Variants in TIE1 observed in about 807,000 individuals in gnomAD.
TIE1 encodes tyrosine kinase with immunoglobulin like and EGF like domains 1, also known as tyrosine-protein kinase receptor Tie-1.
A neutral mutation model predicts 130.5 loss-of-function variants in TIE1; 89 were observed. That is an observed-to-expected ratio of 0.68 (90% CI 0.57 to 0.81). The LOEUF is 0.81. Among genes scored for constraint, TIE1 ranks in the 40% least tolerant of loss-of-function variants. The pLI is 0.00. For missense variants in TIE1, 1,392 were observed against 1,559.8 expected (o/e 0.89, Z 1.81); for synonymous variants, 568 against 629.4 (o/e 0.90, Z 1.46).
Position 43,307,072 on chromosome 1 carries a change from GA to G in TIE1, c.641-69del. On this transcript the variant is annotated intron_variant, in intron 4 of 22. Coordinates refer to ENST00000372476, the MANE Select transcript of TIE1 (RefSeq NM_005424.5). This position sits in a 1 kb window ranked among gnomAD's most constrained non-coding sequence, Gnocchi z 5.4. ...ATGGGTACTTCCTGTGGGTCCCCTGGAGCCCCTGGATCTCCAGTCCTCAGTG... is the reference window on the plus strand; with the variant it reads ...ATGGGTACTTCCTGTGGGTCCCCTGGGCCCCTGGATCTCCAGTCCTCAGTG... 23 of 1,612,908 alleles carry G rather than the reference GA, an allele frequency of 1.4e-5. No homozygotes were observed. Among genetic ancestry groups the G allele is most frequent in the Non-Finnish European group, 2.0e-5 (23 of 1,179,450 alleles).
At position 43,317,778 on chromosome 1, in the gene TIE1, C is replaced by T. The variant is rs550735436; in HGVS notation, c.2731+104C>T. On this transcript the variant is annotated intron_variant, in intron 16 of 22. Transcript: ENST00000372476. The surrounding 1 kb of genome is among the most constrained non-coding windows in gnomAD (Gnocchi z 5.1). ...CCAGGGGCTGCTGGTGACCTGTGCA[C>T]CACCCTTGATCCTCCTTCATCCCTG... 2 of 1,490,522 alleles carry T rather than the reference C, an allele frequency of 1.3e-6. No homozygotes were observed. The highest frequency in any genetic ancestry group is 1.4e-5 in the African/African-American group (1 of 72,604). 92.3% of individuals were successfully genotyped at this position (1,490,522 alleles called of 1,614,324 possible).
At chr1:43,314,904 T>G (rs540932269) in intron 14 of TIE1, among the ~76,000 whole-genome samples, 1 of 152,192 alleles carries the variant, frequency 6.6e-6, no homozygotes, top group Non-Finnish European at 1.5e-5. Context: ...GGAGGCATAT[T>G]CTGTGGCCCT....
chr1:43,314,317 G>A, intron 14 of TIE1: 1 of 1,104,190 alleles, frequency 9.1e-7, no homozygotes, highest in Non-Finnish European at 1.1e-6. Context: ...CGGTTATCTA[G>A]GCCTAGATAG....
Position 43,311,672 on chromosome 1 carries a change from G to GC in TIE1, c.1341dup (p.Val448ArgfsTer55), listed in dbSNP as rs758071080. On this transcript the variant is annotated frameshift_variant and splice_region_variant, in exon 10 of 23. Coordinates refer to ENST00000372476, the MANE Select transcript of TIE1 (RefSeq NM_005424.5). LOFTEE classifies it high-confidence loss of function. ...GCCTTACCCTGAGTCTCCTGGCAGT[G>GC]CCCCCCGTGCCCCTGGCTGCACCTC... 1.2e-6 allele frequency: 2 copies of GC among 1,611,370 alleles called. No individual in the cohort carries two copies.
rs755314869 is a variant in TIE1 at position 43,312,635 on chromosome 1, G to T, written c.1927+34G>T. ...AAGGCGCAAGGATAGCTGGGGGTTGGGGGAGGACGTGGGACACAGGGACAC... is the reference window on the plus strand; with the variant it reads ...AAGGCGCAAGGATAGCTGGGGGTTGTGGGAGGACGTGGGACACAGGGACAC... On this transcript the variant is annotated intron_variant, in intron 12 of 22. Coordinates refer to ENST00000372476, the MANE Select transcript of TIE1 (RefSeq NM_005424.5). The surrounding 1 kb of genome is among the most constrained non-coding windows in gnomAD (Gnocchi z 5.6). The T allele has an allele frequency of 3.2e-6, 5 of 1,561,814 alleles. No individual in the cohort carries two copies. Among genetic ancestry groups the T allele is most frequent in the Non-Finnish European group, 3.5e-6 (4 of 1,152,328 alleles).
rs1473798024 is a variant in TIE1, at chr1:43,318,983, G to A, written c.2923-252G>A. Among the ~76,000 whole-genome samples the A allele has an allele frequency of 6.6e-6, 1 of 152,090 alleles. No individual in the cohort carries two copies. Among genetic ancestry groups the A allele is most frequent in the Non-Finnish European group, 1.5e-5 (1 of 68,006 alleles). ...GGGGAGAAGCATGGAAAGAGGAGAA[G>A]GTGCAGTATGGCCACCACTGTCTCA... On this transcript the variant is annotated intron_variant, in intron 17 of 22. Transcript: ENST00000372476. The surrounding 1 kb of genome is among the most constrained non-coding windows in gnomAD (Gnocchi z 4.4).
In TIE1 at chr1:43,318,145, C is replaced by G; in HGVS notation, c.2922+73C>G. 1 of 1,486,178 alleles carries G rather than the reference C, an allele frequency of 6.7e-7. No individual in the cohort carries two copies. Among genetic ancestry groups the G allele is most frequent in the East Asian group, 2.4e-5 (1 of 42,488 alleles). 92.1% of individuals were successfully genotyped at this position (1,486,178 alleles called of 1,614,324 possible). Reference sequence around the variant, plus strand: ...GCTGGTGTCAGTGGAAGAAGTCAGCCGGCCCTGATTGTATCTGGGGATTGA... The same window carrying G: ...GCTGGTGTCAGTGGAAGAAGTCAGCGGGCCCTGATTGTATCTGGGGATTGA... On this transcript the variant is annotated intron_variant, in intron 17 of 22. Transcript: ENST00000372476. This position sits in a 1 kb window ranked among gnomAD's most constrained non-coding sequence, Gnocchi z 4.4.
chr1:43,321,947 G>A (rs1646924963), intron 22 of TIE1, among the ~76,000 whole-genome samples: 1 of 152,124 alleles, frequency 6.6e-6, no homozygotes, highest in African/African-American at 2.4e-5. Context: ...AGCCCCAACA[G>A]CAAATCCCTA....
rs760950532 is a variant in TIE1, at chr1:43,319,475, G to A, written c.3053G>A (p.Arg1018His). Residue 1018 changes from arginine to histidine, a missense_variant, in exon 19 of 23, where the codon CGC (arginine) becomes CAC (histidine). By Grantham distance (29) the Arg-to-His change is conservative (BLOSUM62 0). This residue lies in a region of TIE1 where 286 missense variants were observed against 354.4 expected (regional missense o/e 0.81). Transcript: ENST00000372476. This position sits in a 1 kb window ranked among gnomAD's most constrained non-coding sequence, Gnocchi z 4.7. ...CTCTCCTAGGGGCGTCTCCCTGTGC[G>A]CTGGATGGCCATTGAGTCCCTGAAC... ...VKKTMGRLPV[R>H]WMAIESLNYS... 15 of 1,614,096 alleles carry A rather than the reference G, an allele frequency of 9.3e-6. No homozygotes were observed. Among genetic ancestry groups the A allele is most frequent in the African/African-American group, 1.3e-5 (1 of 75,014 alleles).
chr1:43,302,229 C>G (rs4660729), intron 1 of TIE1, among the ~76,000 whole-genome samples: 105,375 of 152,182 alleles, frequency 0.69, 37,129 homozygotes, highest in East Asian at 0.85. Context: ...AACACCTAGT[C>G]TGTACAATGA....
At chr1:43,321,051 A>G (rs1437816042) in intron 19 of TIE1, among the ~76,000 whole-genome samples, 1 of 104,032 alleles carries the variant, frequency 9.6e-6, no homozygotes, top group East Asian at 3.0e-4. Context: ...AAAAAAAAAA[A>G]AAACAAAACA....
At chr1:43,314,302 C>T in intron 14 of TIE1, 3 of 1,040,422 alleles carry the variant, frequency 2.9e-6, no homozygotes, top group Non-Finnish European at 3.7e-6. Context: ...TTTATTTCTC[C>T]CTAGCGGTTA....
In TIE1 at chr1:43,317,539, A is replaced by G. The variant is rs1390168697; in HGVS notation, c.2621-25A>G. 1 of 1,611,402 alleles carries G rather than the reference A, an allele frequency of 6.2e-7. No individual in the cohort carries two copies. The highest frequency in any genetic ancestry group is 1.1e-5 in the South Asian group (1 of 90,878). ...CCTTTCTCCAGAGTTATTTCTGGCAAAATAATATTGGATTCTTTACACAGA... is the reference window on the plus strand; with the variant it reads ...CCTTTCTCCAGAGTTATTTCTGGCAGAATAATATTGGATTCTTTACACAGA... On this transcript the variant is annotated intron_variant, in intron 15 of 22. Coordinates refer to ENST00000372476, the MANE Select transcript of TIE1 (RefSeq NM_005424.5). This position sits in a 1 kb window ranked among gnomAD's most constrained non-coding sequence, Gnocchi z 5.1.
At chr1:43,308,409 G>A (rs1388122861) in intron 7 of TIE1, among the ~76,000 whole-genome samples, 1 of 149,006 alleles carries the variant, frequency 6.7e-6, no homozygotes, top group Non-Finnish European at 1.5e-5. Flanking sequence ...GGGGACCCAG[G>A]GATTGGGGAC....
Position 43,307,344 on chromosome 1 carries a change from G to A in TIE1, c.772+71G>A. On this transcript the variant is annotated intron_variant, in intron 5 of 22. Coordinates refer to ENST00000372476, the MANE Select transcript of TIE1 (RefSeq NM_005424.5). The surrounding 1 kb of genome is among the most constrained non-coding windows in gnomAD (Gnocchi z 5.4). ...CTGGGAGAAGACCCTAGAACCATGT[G>A]GGTGGAGCTTGGAGGGTAAGGGCGA... is the stretch of plus-strand genomic sequence containing the variant. 1 of 1,611,822 alleles carries A rather than the reference G, an allele frequency of 6.2e-7. No homozygotes were observed. The highest frequency in any genetic ancestry group is 8.5e-7 in the Non-Finnish European group (1 of 1,178,486).
Position 43,309,096 on chromosome 1 carries a change from A to G in TIE1, c.1153A>G (p.Ile385Val), listed in dbSNP as rs1331355960. The G allele has an allele frequency of 1.2e-6, 2 of 1,612,438 alleles. No homozygotes were observed. The highest frequency in any genetic ancestry group is 2.2e-5 in the South Asian group (2 of 90,892). ...AGNPFPVRGS[I>V]ELRKPDGTVL... ...GAACCCCTTCCCCGTGCGGGGCAGC[A>G]TAGAGCTACGCAAGCCAGACGGCAC... is the stretch of plus-strand genomic sequence containing the variant. The change falls in exon 8 of 23, where the codon ATA becomes GTA. Residue 385 changes from isoleucine to valine, a missense_variant. Coordinates refer to ENST00000372476, the MANE Select transcript of TIE1 (RefSeq NM_005424.5). The surrounding 1 kb of genome is among the most constrained non-coding windows in gnomAD (Gnocchi z 6.3).
chr1:43,322,929 A>T lies in TIE1; in HGVS notation c.*207A>T. The T allele has an allele frequency of 1.8e-6, 1 of 556,860 alleles. No homozygotes were observed. 34.5% of individuals were successfully genotyped at this position (556,860 alleles called of 1,614,324 possible). A position where few individuals can be genotyped will look rare whatever the true frequency, so the allele number is the denominator to read the frequency against. Reference sequence around the variant, plus strand: ...TAGGTGTCTCATAGCTATCCTGGGCATCCTTCTTTCTAGTTCAGCTGCCCC... The same window carrying T: ...TAGGTGTCTCATAGCTATCCTGGGCTTCCTTCTTTCTAGTTCAGCTGCCCC... On this transcript the variant is annotated 3_prime_UTR_variant, in exon 23 of 23. Transcript: ENST00000372476. This position sits in a 1 kb window ranked among gnomAD's most constrained non-coding sequence, Gnocchi z 4.0.
rs770091083 is a variant in TIE1, at chr1:43,305,046, C to A, written c.254C>A (p.Ser85Ter). The change falls in exon 2 of 23, where the codon TCG (serine) becomes TAG (stop). Residue 85 changes from serine (S) to a stop codon, truncating the protein, a stop_gained. Transcript: ENST00000372476. LOFTEE classifies it high-confidence loss of function. ...GPPLRLARNG[S>*]HQVTLRGFSK... ...CCCCTGCGCCTGGCGCGCAACGGTT[C>A]GCACCAGGTCACGCTTCGCGGCTTC... 1.1e-5 allele frequency: 18 copies of A among 1,601,608 alleles called. No individual in the cohort carries two copies. Among genetic ancestry groups the A allele is most frequent in the Non-Finnish European group, 1.4e-5 (16 of 1,172,698 alleles).
Position 43,309,444 on chromosome 1 carries a change from C to T in TIE1, c.1245C>T (p.Arg415=), listed in dbSNP as rs1444587398. ...CCACAGCTGAGTTCGAGGTGCCCCG[C>T]TTGGTTCTTGCGGACAGTGGGTTCT... ...EKTTAEFEVP[R]LVLADSGFWE... Residue 415 remains arginine (R), a synonymous_variant, in exon 9 of 23, where the codon CGC becomes CGT. Transcript: ENST00000372476. This position sits in a 1 kb window ranked among gnomAD's most constrained non-coding sequence, Gnocchi z 6.3. The T allele has an allele frequency of 3.7e-6, 6 of 1,611,974 alleles. No homozygotes were observed. The African/African-American group carries it at 8.0e-5, about 22-fold the overall frequency.
Sources: gnomAD v4.1 joint callset for allele counts (sites outside exome capture counted in the v4.1 genomes callset) on GRCh38, gnomAD v4.1.1 for gene constraint, gnomAD v4.1.1 regional missense constraint, Gnocchi (gnomAD v3.1) non-coding constraint, MANE v1.5 for transcripts, NCBI Gene and HGNC (gene_info 2026-07-23, HGNC 2026-07-21) for gene names.